COL6A2: variants seen among roughly 807,000 people sequenced by gnomAD.
The protein encoded by COL6A2 is collagen type VI alpha 2 chain.
COL6A2 carries 90 observed loss-of-function variants against 124.9 expected under a neutral mutation model. The ratio of observed to expected loss-of-function variants is 0.72; its 90% CI spans 0.61 to 0.86. COL6A2 has a LOEUF of 0.86. COL6A2 is among the 40% of genes least tolerant of loss of function. COL6A2 has a pLI of 0.00. For synonymous variants in COL6A2, 793 were observed against 618.2 expected (o/e 1.28, Z -4.19); for missense variants, 1,607 against 1,502.5 (o/e 1.07, Z -1.15).
At chr21:46,103,326 A>G (rs573015515) in intron 1 of COL6A2, among the ~76,000 whole-genome samples, 2 of 152,262 alleles carry the variant, frequency 1.3e-5, no homozygotes, top group African/African-American at 4.8e-5. Context: ...TTAGTCTAGA[A>G]TCTAGCTTAA....
At chr21:46,120,219 G>A (rs1350807145) in intron 15 of COL6A2, among the ~76,000 whole-genome samples, 12 of 128,444 alleles carry the variant, frequency 9.3e-5, no homozygotes, top group Admixed American at 2.9e-4. Context: ...GTAAAACCCC[G>A]GCCACCAGCT....
intron 27 of COL6A2, among the ~76,000 whole-genome samples, chr21:46,130,062 C>T (rs1024320106): frequency 1.3e-5 from 2 of 152,190 alleles, no homozygotes; most frequent in Non-Finnish European, 2.9e-5. Context: ...CTCGTGGGCG[C>T]TCACGGCCCA....
At chr21:46,127,064 G>A (rs77667198) in intron 27 of COL6A2, among the ~76,000 whole-genome samples, 1,933 of 152,316 alleles carry the variant, frequency 0.013, 19 homozygotes, top group Non-Finnish European at 0.021. Flanking sequence ...CCACGTGGGT[G>A]TGAAGCTGGA....
In COL6A2 at chr21:46,118,612, A is replaced by C; in HGVS notation, c.1117-2A>C. On this transcript the variant is annotated splice_acceptor_variant, in intron 12 of 27. Coordinates refer to ENST00000300527, the MANE Select transcript of COL6A2 (RefSeq NM_001849.4). LOFTEE classifies it high-confidence loss of function. ...TGAGGCTGATTCTGCAAACCCTTCCAGGGGGACCCTGGCCGCCCAGGACGC... is the reference window on the plus strand; with the variant it reads ...TGAGGCTGATTCTGCAAACCCTTCCCGGGGGACCCTGGCCGCCCAGGACGC... 1 of 1,612,424 alleles carries C rather than the reference A, an allele frequency of 6.2e-7. No individual in the cohort carries two copies. Among genetic ancestry groups the C allele is most frequent in the Non-Finnish European group, 8.5e-7 (1 of 1,179,828 alleles).
At chr21:46,105,978 C>T (rs1054008822) in intron 1 of COL6A2, among the ~76,000 whole-genome samples, 17 of 152,146 alleles carry the variant, frequency 1.1e-4, no homozygotes, top group African/African-American at 3.9e-4. Flanking sequence ...TATATGCTCT[C>T]TACAAGAGAT....
In COL6A2 at chr21:46,132,573, A is replaced by G. The variant is rs768179561; in HGVS notation, c.*21A>G. 3.8e-6 allele frequency: 6 copies of G among 1,572,802 alleles called. No individual in the cohort carries two copies. In the African/African-American group the frequency reaches 8.1e-5, roughly 21 times the overall value. On this transcript the variant is annotated 3_prime_UTR_variant, in exon 28 of 28. Transcript: ENST00000300527. ...GCTAGCGCCGCCGCCCGGGCCCCGCAGTCGAGGGTCGTGAGCCCACCCCGT... is the reference window on the plus strand; with the variant it reads ...GCTAGCGCCGCCGCCCGGGCCCCGCGGTCGAGGGTCGTGAGCCCACCCCGT...
intron 27 of COL6A2, chr21:46,129,947 G>C: frequency 1.5e-6 from 1 of 656,220 alleles, no homozygotes; most frequent in Non-Finnish European, 1.9e-6. Flanking sequence ...GTGCTGCCCA[G>C]GTGCTGGAGG....
In COL6A2 at chr21:46,126,008, G is replaced by A. The variant is rs374690930; in HGVS notation, c.2193G>A (p.Thr731=). 21 of 1,612,826 alleles carry A rather than the reference G, an allele frequency of 1.3e-5. No homozygotes were observed. The highest frequency in any genetic ancestry group is 4.5e-5 in the East Asian group (2 of 44,862). The change falls in exon 26 of 28, where the codon ACG becomes ACA. Residue 731 remains threonine (T), a synonymous_variant. Coordinates refer to ENST00000300527, the MANE Select transcript of COL6A2 (RefSeq NM_001849.4). Reference sequence around the variant, plus strand: ...CACGTGTGTTTGCGGTGGTCATCACGGACGGGCGCCACGACCCTCGGGACG... The same window carrying A: ...CACGTGTGTTTGCGGTGGTCATCACAGACGGGCGCCACGACCCTCGGGACG... ...QKTRVFAVVI[T]DGRHDPRDDD...
chr21:46,098,198 C>G (rs2078246325), intron 1 of COL6A2, 25 bp downstream of exon 1: 1 of 152,152 alleles, frequency 6.6e-6, no homozygotes, highest in South Asian at 2.1e-4. Context: ...GACCCCGCAC[C>G]CTGGAAGCCG....
chr21:46,114,051 C>G lies in COL6A2; in HGVS notation c.779C>G (p.Pro260Arg). 3.1e-6 allele frequency: 5 copies of G among 1,613,724 alleles called. No homozygotes were observed. The South Asian group carries it at 4.4e-5, about 14-fold the overall frequency. Residue 260 changes from proline (P) to arginine (R), a missense_variant, in exon 5 of 28, where the codon CCC becomes CGC. Coordinates refer to ENST00000300527, the MANE Select transcript of COL6A2 (RefSeq NM_001849.4). ...SCLEIPGPSG[P>R]KGYRGQKGAK... ...CTGGAAATCCCTGGGCCCTCTGGCC[C>G]CAAGGGCTACCGTGGACAGAAGGTA... is the stretch of plus-strand genomic sequence containing the variant.
chr21:46,106,514 G>A (rs571208467), intron 1 of COL6A2, among the ~76,000 whole-genome samples: 274 of 152,204 alleles, frequency 1.8e-3, no homozygotes, highest in Non-Finnish European at 3.2e-3. Flanking sequence ...GACAGTATCT[G>A]GTACACAATT....
rs754196388 is a variant in COL6A2 at position 46,122,927 on chromosome 21, A to G, written c.1661A>G (p.Lys554Arg). Residue 554 changes from lysine (K) to arginine (R), a missense_variant, in exon 21 of 28, where the codon AAA becomes AGA. Lys to Arg is a conservative substitution (Grantham distance 26). Transcript: ENST00000300527. ...GGAGAACCTGGGAGGAAAGGAGAGA[A>G]AGGAGAGCCTGTGAGTGTCACCGTC... is the stretch of plus-strand genomic sequence containing the variant. Reference protein sequence around the residue: ...LKGEPGRKGEKGEPADPGPPG... With the variant: ...LKGEPGRKGERGEPADPGPPG... 106 of 1,613,074 alleles carry G rather than the reference A, an allele frequency of 6.6e-5. No individual in the cohort carries two copies. The East Asian group carries it at 2.1e-3, about 32-fold the overall frequency.
In COL6A2 at chr21:46,132,108, T is replaced by C; in HGVS notation, c.2616T>C (p.Pro872=). 1 of 1,590,516 alleles carries C rather than the reference T, an allele frequency of 6.3e-7. No homozygotes were observed. The highest frequency in any genetic ancestry group is 8.5e-7 in the Non-Finnish European group (1 of 1,171,252). The change falls in exon 28 of 28, where the codon CCT becomes CCC. Residue 872 remains proline, a synonymous_variant. Transcript: ENST00000300527. ...CGCTGGCCCGGAGGGACGACGACCC[T>C]CTCAACGCACGCGTGGCGCTGCTGC... The part of the protein sequence containing the change: ...RLTLARRDDD[P]LNARVALLQF...
At chr21:46,117,330 G>A in intron 10 of COL6A2, 70 bp from the exon 11 acceptor site, 1 of 1,493,808 alleles carries the variant, frequency 6.7e-7, no homozygotes, top group East Asian at 2.3e-5. Context: ...GGTGGGCTGT[G>A]TCTTGGTCGT....
At position 46,112,354 on chromosome 21, in the gene COL6A2, A is replaced by G. The variant is rs2078414180; in HGVS notation, c.491A>G (p.His164Arg). The G allele has an allele frequency of 1.9e-6, 3 of 1,609,112 alleles. No individual in the cohort carries two copies. The East Asian group carries it at 6.7e-5, about 36-fold the overall frequency. Residue 164 changes from histidine to arginine, a missense_variant, in exon 3 of 28, where the codon CAC becomes CGC. Physicochemically the swap from His to Arg is conservative, Grantham distance 29. Coordinates refer to ENST00000300527, the MANE Select transcript of COL6A2 (RefSeq NM_001849.4). ...VHFAVVITDGHVTGSPCGGIK... is the reference protein window; with the variant it reads ...VHFAVVITDGRVTGSPCGGIK... ...TTCGCCGTGGTCATCACCGACGGCC[A>G]CGTCACCGGCAGCCCCTGCGGGGGC...
chr21:46,124,129 G>A (rs548914243), intron 21 of COL6A2, among the ~76,000 whole-genome samples: 1 of 151,554 alleles, frequency 6.6e-6, no homozygotes, highest in South Asian at 2.1e-4. Context: ...GTGGGTGGAT[G>A]GATAGATGGG....
At chr21:46,129,832 C>A in intron 27 of COL6A2, 1 of 1,101,668 alleles carries the variant, frequency 9.1e-7, no homozygotes, top group South Asian at 3.4e-5. Flanking sequence ...TTTGCTGCAT[C>A]AGGTCACCCT....
At chr21:46,126,629 C>T in intron 27 of COL6A2, 88 bp downstream of exon 27, 1 of 1,534,702 alleles carries the variant, frequency 6.5e-7, no homozygotes. Flanking sequence ...GGGGGAGGGG[C>T]CGTGCAGGGA....
At position 46,116,641 on chromosome 21, in the gene COL6A2, T is replaced by C; in HGVS notation, c.928-10T>C. 1.9e-6 allele frequency: 3 copies of C among 1,612,948 alleles called. No individual in the cohort carries two copies. Among genetic ancestry groups the C allele is most frequent in the Non-Finnish European group, 2.5e-6 (3 of 1,180,004 alleles). Reference sequence around the variant, plus strand: ...ACCGAGCTCACTGCGCCGGCTTTCCTCCTACACAGGGTGAATTTGGAGCCG... The same window carrying C: ...ACCGAGCTCACTGCGCCGGCTTTCCCCCTACACAGGGTGAATTTGGAGCCG... On this transcript the variant is annotated splice_polypyrimidine_tract_variant and intron_variant, in intron 8 of 27. Transcript: ENST00000300527. The surrounding 1 kb of genome is among the most constrained non-coding windows in gnomAD (Gnocchi z 4.6).
Sources: allele counts gnomAD v4.1 joint callset (sites outside exome capture counted in the v4.1 genomes callset), GRCh38; gene constraint gnomAD v4.1.1; non-coding constraint Gnocchi (gnomAD v3.1); transcripts MANE v1.5; gene names NCBI Gene and HGNC (gene_info 2026-07-23, HGNC 2026-07-21).